Variants in SEMA6D observed in about 807,000 individuals in gnomAD.
SEMA6D encodes semaphorin-6D.
In SEMA6D, 35 loss-of-function variants were observed where a neutral mutation model predicts 106.6. The ratio of observed to expected loss-of-function variants is 0.33; its 90% CI spans 0.25 to 0.44. The LOEUF (loss-of-function observed/expected upper bound fraction) is 0.44, where lower values mean the gene tolerates loss of function less well. Ranked by LOEUF, SEMA6D falls within the 20% of genes least tolerant of loss-of-function variation. SEMA6D has a pLI of 1.00. For missense variants in SEMA6D, 1,185 were observed against 1,345.9 expected, an observed-to-expected ratio of 0.88 and a Z score of 1.87; for synonymous variants, 499 against 487.7, an observed-to-expected ratio of 1.02 and a Z score of -0.31.
intron 1 of SEMA6D, among the ~76,000 whole-genome samples, chr15:47,260,286 C>T (rs1377204882): frequency 1.3e-5 from 2 of 151,974 alleles, no homozygotes; most frequent in Non-Finnish European, 2.9e-5. Context: ...GACATTTTGT[C>T]TATTATGTTA....
At chr15:47,344,128 T>C (rs1472231570) in intron 1 of SEMA6D, among the ~76,000 whole-genome samples, 1 of 152,158 alleles carries the variant, frequency 6.6e-6, no homozygotes, top group African/African-American at 2.4e-5. Flanking sequence ...TTTTACACTG[T>C]TGGTGGGACT....
chr15:47,217,870 CACAT>C (rs1293474173), intron 1 of SEMA6D, among the ~76,000 whole-genome samples: 4 of 79,340 alleles, frequency 5.0e-5, no homozygotes, highest in Non-Finnish European at 5.0e-5. Flanking sequence ...TGCATGTACA[CACAT>C]ACACACACAC....
intron 4 of SEMA6D, among the ~76,000 whole-genome samples, chr15:47,628,608 T>C (rs1327347879): frequency 1.3e-5 from 2 of 152,100 alleles, no homozygotes; most frequent in Admixed American, 6.6e-5. Flanking sequence ...CTTTTGACAG[T>C]TTTTAATTGT....
intron 1 of SEMA6D, among the ~76,000 whole-genome samples, chr15:47,364,962 A>C (rs1316891054): frequency 6.6e-6 from 1 of 152,214 alleles, no homozygotes; most frequent in African/African-American, 2.4e-5. Flanking sequence ...GCAAGAAATT[A>C]CCCTTATCTT....
At chr15:47,381,888 T>C (rs2039652104) in intron 1 of SEMA6D, among the ~76,000 whole-genome samples, 1 of 152,186 alleles carries the variant, frequency 6.6e-6, no homozygotes, top group Non-Finnish European at 1.5e-5. Context: ...AAATGGTCTT[T>C]GTCCTACTTG....
chr15:47,655,387 T>A (rs981946941), intron 4 of SEMA6D, among the ~76,000 whole-genome samples: 1 of 152,182 alleles, frequency 6.6e-6, no homozygotes, highest in Non-Finnish European at 1.5e-5. Flanking sequence ...ATAATTTCTC[T>A]CTCCATAATT....
chr15:47,536,012 G>C (rs1158079936), intron 3 of SEMA6D, among the ~76,000 whole-genome samples: 4 of 152,180 alleles, frequency 2.6e-5, no homozygotes, highest in Non-Finnish European at 4.4e-5. Context: ...AGCCTCAAAT[G>C]CTATGCTGTA....
intron 3 of SEMA6D, among the ~76,000 whole-genome samples, chr15:47,553,753 A>G (rs928363154): frequency 2.6e-5 from 4 of 152,190 alleles, no homozygotes; most frequent in African/African-American, 9.7e-5. Context: ...AGGCAAAAAA[A>G]AAAATTAAAT....
At chr15:47,235,627 G>T (rs1354470250) in intron 1 of SEMA6D, among the ~76,000 whole-genome samples, 1 of 152,064 alleles carries the variant, frequency 6.6e-6, no homozygotes, top group East Asian at 1.9e-4. Flanking sequence ...TCAGTTGGTT[G>T]TAAGTATTTG....
At chr15:47,694,212 C>G (rs2078651795) in intron 4 of SEMA6D, among the ~76,000 whole-genome samples, 1 of 152,090 alleles carries the variant, frequency 6.6e-6, no homozygotes. Context: ...CAAAACAATG[C>G]TGAGAAATGC....
Position 47,768,833 on chromosome 15 carries a change from T to G in SEMA6D, c.1933+85T>G, listed in dbSNP as rs1026447489. The stretch of plus-strand genomic sequence containing the variant: ...TGAGGAGTATGTGGTTCTCCAGAGG[T>G]GGGCCTCACAGGAGCTTCTGCGGTT... On this transcript the variant is annotated intron_variant, in intron 18 of 18. Transcript: ENST00000536845. The G allele has an allele frequency of 7.4e-6, 10 of 1,347,538 alleles. No individual in the cohort carries two copies. The Admixed American group carries it at 8.6e-5, about 12-fold the overall frequency. The allele number at this position is 1,347,538 out of a possible 1,614,324, so 83.5% of individuals were successfully genotyped here. A position where few individuals can be genotyped will look rare whatever the true frequency, so the allele number is the denominator to read the frequency against.
chr15:47,340,077 T>C (rs1434534567), intron 1 of SEMA6D, among the ~76,000 whole-genome samples: 2 of 152,128 alleles, frequency 1.3e-5, no homozygotes, highest in African/African-American at 4.8e-5. Context: ...AGGGAAAACA[T>C]TCTAAGCAGA....
At chr15:47,629,750 G>A (rs753274841) in intron 4 of SEMA6D, among the ~76,000 whole-genome samples, 13 of 151,632 alleles carry the variant, frequency 8.6e-5, no homozygotes, top group African/African-American at 1.2e-4. Flanking sequence ...TGTTCTTTAT[G>A]TCCATGAGAT....
chr15:47,764,266 T>C lies in SEMA6D; in HGVS notation c.1058T>C (p.Val353Ala). Reference sequence around the variant, plus strand: ...AAGGAACAGAAAACTCCAGATTCTGTTTGGACAGCAGTTCCCGAAGACAAA... The same window carrying C: ...AAGGAACAGAAAACTCCAGATTCTGCTTGGACAGCAGTTCCCGAAGACAAA... ...RFKEQKTPDS[V>A]WTAVPEDKVP... is the part of the protein sequence containing the mutation. Residue 353 changes from valine (V) to alanine (A), a missense_variant, in exon 11 of 19, where the codon GTT becomes GCT. Coordinates refer to ENST00000536845, the MANE Select transcript of SEMA6D (RefSeq NM_001358351.3). 6.2e-7 allele frequency: 1 copy of C among 1,613,776 alleles called. No homozygotes were observed. Among genetic ancestry groups the C allele is most frequent in the South Asian group, 1.1e-5 (1 of 91,070 alleles).
At chr15:47,626,591 A>C (rs918963770) in intron 4 of SEMA6D, among the ~76,000 whole-genome samples, 1 of 152,166 alleles carries the variant, frequency 6.6e-6, no homozygotes. Context: ...AAACAAGAAA[A>C]GTATATTAAA....
At chr15:47,336,442 A>G (rs1849261782) in intron 1 of SEMA6D, among the ~76,000 whole-genome samples, 1 of 152,188 alleles carries the variant, frequency 6.6e-6, no homozygotes, top group African/African-American at 2.4e-5. Flanking sequence ...ACTGGGGCTC[A>G]TGGCAAAAGC....
intron 2 of SEMA6D, among the ~76,000 whole-genome samples, chr15:47,448,562 G>T (rs1234251867): frequency 6.6e-6 from 1 of 152,126 alleles, no homozygotes; most frequent in Admixed American, 6.6e-5. Context: ...ATGGTTGGAT[G>T]AATCTATTTA....
At chr15:47,240,157 T>C (rs976747662) in intron 1 of SEMA6D, among the ~76,000 whole-genome samples, 4 of 152,162 alleles carry the variant, frequency 2.6e-5, no homozygotes, top group African/African-American at 9.7e-5. Context: ...ACCAGCTTTC[T>C]ACCATGAATT....
At chr15:47,268,485 G>A (rs540249769) in intron 1 of SEMA6D, among the ~76,000 whole-genome samples, 31 of 152,132 alleles carry the variant, frequency 2.0e-4, no homozygotes, top group Non-Finnish European at 3.4e-4. Flanking sequence ...GAGGTGGTAA[G>A]CAAGGAGGGA....
Sources: allele counts gnomAD v4.1 joint callset (sites outside exome capture counted in the v4.1 genomes callset), GRCh38; gene constraint gnomAD v4.1.1; transcripts MANE v1.5; gene names NCBI Gene and HGNC (gene_info 2026-07-23, HGNC 2026-07-21).